Variants in CCSER1 observed in about 807,000 individuals in gnomAD.
CCSER1 encodes serine-rich coiled-coil domain-containing protein 1.
A neutral mutation model predicts 82.0 loss-of-function variants in CCSER1; 41 were observed. The ratio of observed to expected loss-of-function variants is 0.50; its 90% CI spans 0.39 to 0.65. The LOEUF is 0.65. Among genes scored for constraint, CCSER1 ranks in the 30% least tolerant of loss-of-function variants. The probability of loss-of-function intolerance (pLI) is 0.00; values close to 1 mark genes in which losing one functional copy is unlikely to be tolerated. For missense variants in CCSER1, 1,119 were observed against 1,064.2 expected, an observed-to-expected ratio of 1.05 and a Z score of -0.72; for synonymous variants, 414 against 383.9, an observed-to-expected ratio of 1.08 and a Z score of -0.92.
chr4:90,895,632 A>G (rs11946311), intron 8 of CCSER1, among the ~76,000 whole-genome samples: 57,475 of 151,628 alleles, frequency 0.38, 11,529 homozygotes, highest in Non-Finnish European at 0.46. Flanking sequence ...CCAAGGATCA[A>G]GGTCCCTAGC....
intron 6 of CCSER1, among the ~76,000 whole-genome samples, chr4:90,658,863 A>T (rs895252647): frequency 1.3e-5 from 2 of 152,214 alleles, no homozygotes; most frequent in African/African-American, 4.8e-5. Context: ...CAAACTAAAT[A>T]TCTTAGAATA....
At chr4:90,814,335 G>A (rs568009465) in intron 7 of CCSER1, among the ~76,000 whole-genome samples, 2 of 152,302 alleles carry the variant, frequency 1.3e-5, no homozygotes, top group South Asian at 2.1e-4. Flanking sequence ...GCTCCTGTAC[G>A]GTGATGGGAG....
chr4:90,900,917 ACTGT>A (rs1444293401), intron 8 of CCSER1, among the ~76,000 whole-genome samples: 1 of 151,652 alleles, frequency 6.6e-6, no homozygotes, highest in Non-Finnish European at 1.5e-5. Context: ...CTATTGGATG[ACTGT>A]CTATCTCTTG....
chr4:91,474,804 T>C lies in CCSER1; in HGVS notation c.2218-123768T>C, dbSNP rs867788140. Among the ~76,000 whole-genome samples the C allele has an allele frequency of 3.5e-3, 453 of 128,784 alleles. 3 individuals carry two copies. The highest frequency in any genetic ancestry group is 0.012 in the African/African-American group (428 of 35,130). The allele number at this position is 128,784 out of a possible 152,430, so 84.5% of individuals were successfully genotyped here. ...ATATTTGTGTATATATATATATATA[T>C]ATATATATACACACACACACACACA... On this transcript the variant is annotated intron_variant, in intron 10 of 10. Coordinates refer to ENST00000509176, the MANE Select transcript of CCSER1 (RefSeq NM_001145065.2).
intron 10 of CCSER1, among the ~76,000 whole-genome samples, chr4:91,124,987 C>T (rs1727382811): frequency 6.6e-6 from 1 of 151,772 alleles, no homozygotes; most frequent in Admixed American, 6.6e-5. Flanking sequence ...TAAGTGAAAG[C>T]AAGATTAACA....
At chr4:91,219,508 G>A (rs1737566272) in intron 10 of CCSER1, among the ~76,000 whole-genome samples, 1 of 151,868 alleles carries the variant, frequency 6.6e-6, no homozygotes, top group Non-Finnish European at 1.5e-5. Context: ...TCACCATGTT[G>A]GCCAGGCTGG....
intron 10 of CCSER1, among the ~76,000 whole-genome samples, chr4:91,235,669 A>T (rs1299439532): frequency 6.6e-6 from 1 of 152,050 alleles, no homozygotes; most frequent in African/African-American, 2.4e-5. Context: ...TAAATAGGAG[A>T]CAGGCCTTGT....
chr4:90,138,961 G>C (rs1329590030), intron 1 of CCSER1, among the ~76,000 whole-genome samples: 1 of 152,198 alleles, frequency 6.6e-6, no homozygotes, highest in Non-Finnish European at 1.5e-5. Flanking sequence ...CCCTATGCAT[G>C]TATCAGTTAA....
intron 10 of CCSER1, among the ~76,000 whole-genome samples, chr4:91,403,855 C>T (rs961223016): frequency 6.6e-6 from 1 of 152,074 alleles, no homozygotes; most frequent in Non-Finnish European, 1.5e-5. Flanking sequence ...GTCTAAAATT[C>T]TCTTTTTTTG....
intron 9 of CCSER1, among the ~76,000 whole-genome samples, chr4:91,083,683 A>G (rs1174882068): frequency 3.3e-5 from 5 of 152,164 alleles, no homozygotes; most frequent in Non-Finnish European, 5.9e-5. Flanking sequence ...TCAAAATTAA[A>G]CTTCTAGAAA....
intron 8 of CCSER1, among the ~76,000 whole-genome samples, chr4:90,877,200 T>C (rs1364005359): frequency 3.9e-5 from 6 of 152,114 alleles, no homozygotes; most frequent in Non-Finnish European, 7.4e-5. Flanking sequence ...GTTACTGATA[T>C]AGTCAGAGTT....
At chr4:91,307,083 C>G (rs1745120717) in intron 10 of CCSER1, among the ~76,000 whole-genome samples, 1 of 151,786 alleles carries the variant, frequency 6.6e-6, no homozygotes, top group African/African-American at 2.4e-5. Flanking sequence ...TCTTAAGTAT[C>G]ACAACAATCT....
intron 6 of CCSER1, among the ~76,000 whole-genome samples, chr4:90,629,868 T>G (rs1724040655): frequency 6.6e-6 from 1 of 152,250 alleles, no homozygotes; most frequent in African/African-American, 2.4e-5. Context: ...TAATCAGTAT[T>G]CAAAATGTGT....
Position 90,309,200 on chromosome 4 carries a change from A to T in CCSER1, c.916A>T (p.Thr306Ser). The change falls in exon 2 of 11, where the codon ACA becomes TCA. Residue 306 changes from threonine (T) to serine (S), a missense_variant. Coordinates refer to ENST00000509176, the MANE Select transcript of CCSER1 (RefSeq NM_001145065.2). ...CCTCAATTCTGCTGCTGTTACAAAG[A>T]CAACAACAGAACTTACGGGAACTGT... is the stretch of plus-strand genomic sequence containing the variant. ...MSLNSAAVTK[T>S]TTELTGTVPC... The T allele has an allele frequency of 1.9e-6, 3 of 1,613,946 alleles. No individual in the cohort carries two copies. The highest frequency in any genetic ancestry group is 2.5e-6 in the Non-Finnish European group (3 of 1,179,838).
At chr4:91,545,793 T>C (rs1179487264) in intron 10 of CCSER1, among the ~76,000 whole-genome samples, 1 of 152,144 alleles carries the variant, frequency 6.6e-6, no homozygotes, top group African/African-American at 2.4e-5. Context: ...TTTCTTATTT[T>C]GTTGCATTAG....
intron 1 of CCSER1, among the ~76,000 whole-genome samples, chr4:90,288,025 A>G (rs538054122): frequency 6.6e-6 from 1 of 151,968 alleles, no homozygotes; most frequent in Admixed American, 6.6e-5. Context: ...CTATCAATAA[A>G]CAATTATTAC....
At chr4:91,064,870 A>C (rs1250278905) in intron 9 of CCSER1, among the ~76,000 whole-genome samples, 1 of 152,194 alleles carries the variant, frequency 6.6e-6, no homozygotes, top group Non-Finnish European at 1.5e-5. Flanking sequence ...TTGAAACAGG[A>C]TATACAATCA....
intron 10 of CCSER1, among the ~76,000 whole-genome samples, chr4:91,547,798 T>C (rs1165685984): frequency 6.6e-6 from 1 of 152,190 alleles, no homozygotes; most frequent in Non-Finnish European, 1.5e-5. Flanking sequence ...TGTTTGTTTT[T>C]TGAGACAGAG....
chr4:90,892,208 TAAGA>T (rs1580959814), intron 8 of CCSER1, among the ~76,000 whole-genome samples: 1 of 152,068 alleles, frequency 6.6e-6, no homozygotes, highest in African/African-American at 2.4e-5. Context: ...TTTTGATAAT[TAAGA>T]AAGGCTTATT....
Sources: allele counts gnomAD v4.1 joint callset (sites outside exome capture counted in the v4.1 genomes callset), GRCh38; gene constraint gnomAD v4.1.1; transcripts MANE v1.5; gene names NCBI Gene and HGNC (gene_info 2026-07-23, HGNC 2026-07-21).